The following ADCY9 variants were observed in gnomAD, a reference collection of about 807,000 sequenced individuals.
ADCY9 encodes the protein adenylate cyclase 9.
In ADCY9, 50 loss-of-function variants were observed where a neutral mutation model predicts 101.5. The observed-to-expected ratio is 0.49, with a 90% confidence interval of 0.39 to 0.62. ADCY9 has a LOEUF of 0.62. Among genes scored for constraint, ADCY9 ranks in the 20% least tolerant of loss-of-function variants. The pLI, the probability that ADCY9 is intolerant of heterozygous loss-of-function variation, is 0.00. For missense variants in ADCY9, 1,662 were observed against 1,800.4 expected, an observed-to-expected ratio of 0.92 and a Z score of 1.39; for synonymous variants, 905 against 769.3, an observed-to-expected ratio of 1.18 and a Z score of -2.92.
chr16:4,102,255 T>C (rs139806675), intron 2 of ADCY9, among the ~76,000 whole-genome samples: 47 of 152,224 alleles, frequency 3.1e-4, no homozygotes, highest in Non-Finnish European at 6.5e-4. Flanking sequence ...CCATCATTCC[T>C]ATAAATTGCA....
At chr16:4,071,133 C>T (rs916682097) in intron 2 of ADCY9, among the ~76,000 whole-genome samples, 4 of 150,844 alleles carry the variant, frequency 2.7e-5, no homozygotes, top group African/African-American at 9.8e-5. Context: ...AGTTCGAGGC[C>T]AGCCTGGCCA....
At chr16:4,012,589 G>C (rs2056411389) in intron 2 of ADCY9, among the ~76,000 whole-genome samples, 1 of 151,968 alleles carries the variant, frequency 6.6e-6, no homozygotes, top group African/African-American at 2.4e-5. Flanking sequence ...CTCAACAACA[G>C]CGATGTCTTT....
intron 2 of ADCY9, among the ~76,000 whole-genome samples, chr16:4,020,352 T>C (rs1164218411): frequency 6.6e-6 from 1 of 152,220 alleles, no homozygotes; most frequent in African/African-American, 2.4e-5. Context: ...AAGTTCTTTT[T>C]TACCTTTATT....
At chr16:4,073,740 C>A (rs912081404) in intron 2 of ADCY9, among the ~76,000 whole-genome samples, 30 of 152,058 alleles carry the variant, frequency 2.0e-4, no homozygotes, top group Admixed American at 2.0e-3. Flanking sequence ...CTTTTTCAGA[C>A]AGACAAAGGC....
intron 2 of ADCY9, among the ~76,000 whole-genome samples, chr16:4,055,308 A>G (rs181331048): frequency 7.9e-5 from 12 of 151,950 alleles, no homozygotes; most frequent in African/African-American, 2.2e-4. Context: ...TGAGGCGAGC[A>G]GATCACTTGA....
At chr16:3,957,485 G>T (rs566474890) in intron 5 of ADCY9, among the ~76,000 whole-genome samples, 55 of 152,152 alleles carry the variant, frequency 3.6e-4, no homozygotes, top group Admixed American at 1.2e-3. Context: ...AGTCAGGGAG[G>T]GGGAGGGTGA....
intron 2 of ADCY9, among the ~76,000 whole-genome samples, chr16:4,011,377 A>C (rs2056403319): frequency 1.3e-5 from 2 of 152,088 alleles, no homozygotes; most frequent in African/African-American, 4.8e-5. Flanking sequence ...CACGGGCAGC[A>C]GGGGGGCGGG....
chr16:3,988,973 C>A (rs746954801), intron 6 of ADCY9, 21 bp downstream of exon 6: 2 of 1,568,136 alleles, frequency 1.3e-6, no homozygotes, highest in African/African-American at 1.4e-5. Flanking sequence ...TTAGTAAAAG[C>A]GCAAGGAGAA....
Position 3,992,160 on chromosome 16 carries a change from A to G in ADCY9, c.2193T>C (p.Val731=). The G allele has an allele frequency of 6.2e-7, 1 of 1,614,134 alleles. No individual in the cohort carries two copies. Among genetic ancestry groups the G allele is most frequent in the Non-Finnish European group, 8.5e-7 (1 of 1,180,014 alleles). ...CCCAGTCGTACCTGTCTTCTTTGAT[A>G]ACGTCCACAAAGTGGGCGTCCGTTT... ...REKTDAHFVD[V]IKEDSLMKDY... The change falls in exon 5 of 11, where the codon GTT becomes GTC. Residue 731 remains valine, a synonymous_variant. Coordinates refer to ENST00000294016, the MANE Select transcript of ADCY9 (RefSeq NM_001116.4). The surrounding 1 kb of genome is among the most constrained non-coding windows in gnomAD (Gnocchi z 4.2).
At chr16:4,025,606 G>A (rs963707988) in intron 2 of ADCY9, among the ~76,000 whole-genome samples, 3 of 152,314 alleles carry the variant, frequency 2.0e-5, no homozygotes, top group East Asian at 3.9e-4. Flanking sequence ...AGTCTGGCAC[G>A]AGGCCTGCCG....
At chr16:4,036,765 A>G (rs969618029) in intron 2 of ADCY9, among the ~76,000 whole-genome samples, 1 of 151,996 alleles carries the variant, frequency 6.6e-6, no homozygotes, top group African/African-American at 2.4e-5. Context: ...CCCAGCCACA[A>G]TACATTTTTT....
chr16:4,115,501 G>T lies in ADCY9; in HGVS notation c.-43-16C>A. ...TCACCAGTACCTGCCAGCAAAACGGGGAGAGTTAGCGGCGCTCCCACCTAG... is the reference window on the plus strand; with the variant it reads ...TCACCAGTACCTGCCAGCAAAACGGTGAGAGTTAGCGGCGCTCCCACCTAG... On this transcript the variant is annotated splice_polypyrimidine_tract_variant and intron_variant, in intron 1 of 10. Transcript: ENST00000294016. This position sits in a 1 kb window ranked among gnomAD's most constrained non-coding sequence, Gnocchi z 6.2. 2 of 1,468,138 alleles carry T rather than the reference G, an allele frequency of 1.4e-6. No individual in the cohort carries two copies. Among genetic ancestry groups the T allele is most frequent in the Non-Finnish European group, 9.0e-7 (1 of 1,111,286 alleles). The allele number at this position is 1,468,138 out of a possible 1,614,324, so 90.9% of individuals were successfully genotyped here. A position where few individuals can be genotyped will look rare whatever the true frequency, so the allele number is the denominator to read the frequency against.
downstream of ADCY9, among the ~76,000 whole-genome samples, chr16:3,960,154 C>A (rs943983995): frequency 6.6e-6 from 1 of 152,178 alleles, no homozygotes; most frequent in African/African-American, 2.4e-5. Flanking sequence ...AATGAAAAGT[C>A]ATCTCTCCTC....
intron 9 of ADCY9, 108 bp downstream of exon 9, chr16:3,977,374 A>G: frequency 1.1e-5 from 15 of 1,397,112 alleles, no homozygotes; most frequent in Non-Finnish European, 1.4e-5. Flanking sequence ...GATGGGAAAT[A>G]TCTCTATCGG....
intron 2 of ADCY9, among the ~76,000 whole-genome samples, chr16:4,042,016 C>T (rs749158420): frequency 1.1e-4 from 17 of 151,342 alleles, no homozygotes; most frequent in South Asian, 2.1e-4. Flanking sequence ...CTCTGCCTCC[C>T]GGGTTCAAGC....
chr16:3,979,121 T>TGTAA lies in ADCY9; in HGVS notation c.2673_2674insTTAC (p.Ile892LeufsTer21), dbSNP rs1230646459. ...ACGGCTGAGCCTTTACTTACGTGTA[T>TGTAA]GTTGGTCTCATATTCGGAGGTGACA... On this transcript the variant is annotated frameshift_variant, in exon 8 of 11. Transcript: ENST00000294016. LOFTEE classifies it high-confidence loss of function. The TGTAA allele has an allele frequency of 6.2e-7, 1 of 1,614,138 alleles. No homozygotes were observed. Among genetic ancestry groups the TGTAA allele is most frequent in the Non-Finnish European group, 8.5e-7 (1 of 1,180,026 alleles).
intron 6 of ADCY9, among the ~76,000 whole-genome samples, chr16:3,985,357 C>G (rs898665872): frequency 6.6e-6 from 1 of 152,116 alleles, no homozygotes; most frequent in Admixed American, 6.5e-5. Context: ...CTAGGATGGT[C>G]TCTATCTCGA....
At chr16:4,031,567 T>C (rs1396975136) in intron 2 of ADCY9, among the ~76,000 whole-genome samples, 1 of 152,162 alleles carries the variant, frequency 6.6e-6, no homozygotes, top group Non-Finnish European at 1.5e-5. Flanking sequence ...AACTTTTCTG[T>C]AGGTTTGAAA....
At chr16:4,023,545 G>A (rs1349269996) in intron 2 of ADCY9, among the ~76,000 whole-genome samples, 2 of 152,194 alleles carry the variant, frequency 1.3e-5, no homozygotes, top group South Asian at 2.1e-4. Context: ...AACTGTTCCC[G>A]ATGCAGACTG....
Sources: gnomAD v4.1 joint callset for allele counts (sites outside exome capture counted in the v4.1 genomes callset) on GRCh38, gnomAD v4.1.1 for gene constraint, Gnocchi (gnomAD v3.1) non-coding constraint, MANE v1.5 for transcripts, NCBI Gene and HGNC (gene_info 2026-07-23, HGNC 2026-07-21) for gene names.